METTL6: variants seen among roughly 807,000 people sequenced by gnomAD.
METTL6 encodes methyltransferase 6, tRNA N3-cytidine.
A neutral mutation model predicts 26.4 loss-of-function variants in METTL6; 22 were observed. The ratio of observed to expected loss-of-function variants is 0.83; its 90% CI spans 0.59 to 1.19. The LOEUF (loss-of-function observed/expected upper bound fraction) is 1.19. Among genes scored for constraint, METTL6 ranks in the 50% most tolerant of loss-of-function variants. The pLI, the probability that METTL6 is intolerant of heterozygous loss-of-function variation, is 0.00. For synonymous variants in METTL6, 109 were observed against 116.2 expected, an observed-to-expected ratio of 0.94 and a Z score of 0.40; for missense variants, 304 against 324.8, an observed-to-expected ratio of 0.94 and a Z score of 0.49.
chr3:15,406,605 TATATATATATATATATATATATATAGAG>T (rs1699796236), downstream of METTL6, among the ~76,000 whole-genome samples: 1 of 47,934 alleles, frequency 2.1e-5, no homozygotes, highest in East Asian at 9.4e-4. Flanking sequence ...TATATATATA[TATATATATATATATATATATATATAGAG>T]AGAGAGAGAG....
In METTL6 at chr3:15,415,791, A is replaced by G. The variant is rs1479782725; in HGVS notation, c.512T>C (p.Val171Ala). Residue 171 changes from valine (V) to alanine (A), a missense_variant, in exon 4 of 6, where the codon GTC becomes GCC. Transcript: ENST00000383790. Reference protein sequence around the residue: ...SAVHPDKMHLVLQNIYKVLKP... With the variant: ...SAVHPDKMHLALQNIYKVLKP... ...ACTAACCTTGTAAATGTTTTGTAAG[A>G]CAAGGTGCATCTTATCAGGATGAAC... 6.2e-7 allele frequency: 1 copy of G among 1,613,958 alleles called. No individual in the cohort carries two copies. Among genetic ancestry groups the G allele is most frequent in the African/African-American group, 1.3e-5 (1 of 75,044 alleles).
intron 6 of METTL6, among the ~76,000 whole-genome samples, chr3:15,403,046 A>T (rs1385443714): frequency 1.3e-5 from 2 of 152,246 alleles, no homozygotes; most frequent in African/African-American, 4.8e-5. Context: ...AGCAAGATAT[A>T]GTCTGTTAGG....
chr3:15,423,290 G>A (rs1481582130), intron 3 of METTL6, among the ~76,000 whole-genome samples: 1 of 152,214 alleles, frequency 6.6e-6, no homozygotes. Context: ...CTACTTGGAA[G>A]GCTGAGGCAG....
In METTL6 at chr3:15,400,656, C is replaced by A. The variant is rs77727309; in HGVS notation, c.*11+10589G>T. On this transcript the variant is annotated intron_variant, in intron 6 of 6. Coordinates refer to the METTL6 transcript ENST00000443029. ...TAAGAAGTTCATAAAGAAGTTCTAA[C>A]GATGCTAGACTACCTTTTTTTGGTA... Among the ~76,000 whole-genome samples the A allele has an allele frequency of 2.6e-5, 4 of 152,138 alleles. No homozygotes were observed. In the East Asian group the frequency reaches 7.7e-4, roughly 29 times the overall value.
intron 6 of METTL6, among the ~76,000 whole-genome samples, chr3:15,393,576 C>A (rs545103319): frequency 6.6e-6 from 1 of 152,206 alleles, no homozygotes; most frequent in African/African-American, 2.4e-5. Flanking sequence ...TCTTGTGCCA[C>A]TTTTCAAAGG....
chr3:15,394,663 C>T (rs1344581623), intron 6 of METTL6, among the ~76,000 whole-genome samples: 2 of 151,808 alleles, frequency 1.3e-5, no homozygotes, highest in Admixed American at 1.3e-4. Context: ...GTACACACTG[C>T]TTTGAATGTG....
Position 15,426,469 on chromosome 3 carries a change from T to C in METTL6, c.43A>G (p.Thr15Ala). ...QRKGLQARIL[T>A]SEEEEKLKRD... Reference sequence around the variant, plus strand: ...TTCAGTTTCTCCTCTTCTTCAGAGGTGAGAATCCTTGCCTGCAGCCCTTTC... The same window carrying C: ...TTCAGTTTCTCCTCTTCTTCAGAGGCGAGAATCCTTGCCTGCAGCCCTTTC... Residue 15 changes from threonine (T) to alanine (A), a missense_variant, in exon 2 of 6, where the codon ACC (threonine) becomes GCC (alanine). Physicochemically the swap from Thr to Ala is moderately conservative, Grantham distance 58 (BLOSUM62 0). Coordinates refer to ENST00000383790, the MANE Select transcript of METTL6 (RefSeq NM_152396.4). 6.2e-7 allele frequency: 1 copy of C among 1,614,182 alleles called. No individual in the cohort carries two copies. The highest frequency in any genetic ancestry group is 8.5e-7 in the Non-Finnish European group (1 of 1,180,040).
At chr3:15,396,835 A>G (rs924099203) in intron 6 of METTL6, among the ~76,000 whole-genome samples, 4 of 152,154 alleles carry the variant, frequency 2.6e-5, no homozygotes, top group Admixed American at 1.3e-4. Flanking sequence ...CTACTTGATC[A>G]TTCCTCTGGG....
At chr3:15,418,604 G>A (rs2061542932) in intron 3 of METTL6, among the ~76,000 whole-genome samples, 1 of 152,132 alleles carries the variant, frequency 6.6e-6, no homozygotes, top group Non-Finnish European at 1.5e-5. Flanking sequence ...AGGGAGAAGA[G>A]AGAACAAGAG....
chr3:15,423,935 A>T (rs2061663620), intron 3 of METTL6, among the ~76,000 whole-genome samples: 1 of 151,816 alleles, frequency 6.6e-6, no homozygotes, highest in Non-Finnish European at 1.5e-5. Context: ...AGCCAGGTAC[A>T]GTGGCTCATA....
At position 15,399,228 on chromosome 3, in the gene METTL6, A is replaced by T. The variant is rs9836774; in HGVS notation, c.*11+12017T>A. On this transcript the variant is annotated intron_variant, in intron 6 of 6. Coordinates refer to the METTL6 transcript ENST00000443029. ...CCCCCCCAACCCCTCGCCCCCAAAAAACTCATGAATAATCCACCCCTTGTT... is the reference window on the plus strand; with the variant it reads ...CCCCCCCAACCCCTCGCCCCCAAAATACTCATGAATAATCCACCCCTTGTT... Among the ~76,000 whole-genome samples, 224 of 151,702 alleles carry T rather than the reference A, an allele frequency of 1.5e-3. 1 individual carries two copies. Among genetic ancestry groups the T allele is most frequent in the African/African-American group, 5.2e-3 (214 of 41,346 alleles).
intron 5 of METTL6, among the ~76,000 whole-genome samples, chr3:15,412,229 A>G (rs748718698): frequency 1.6e-4 from 25 of 152,202 alleles, no homozygotes; most frequent in Non-Finnish European, 3.5e-4. Flanking sequence ...AGTGGAGAAA[A>G]ACACCCAGTG....
chr3:15,424,839 C>G (rs2061682805), intron 3 of METTL6, 116 bp downstream of exon 3: 2 of 1,343,532 alleles, frequency 1.5e-6, no homozygotes, highest in African/African-American at 1.5e-5. Context: ...TGTATGGTGA[C>G]TATAGCTGGT....
At chr3:15,400,299 C>A (rs1046315134) in intron 6 of METTL6, among the ~76,000 whole-genome samples, 1 of 152,126 alleles carries the variant, frequency 6.6e-6, no homozygotes, top group Admixed American at 6.6e-5. Context: ...GCCCCAGGTC[C>A]CCTATTCCTT....
At chr3:15,426,727 CAAAAA>C in intron 1 of METTL6, 92 bp from the exon 2 acceptor site, 1 of 557,838 alleles carries the variant, frequency 1.8e-6, no homozygotes, top group South Asian at 2.4e-5. Flanking sequence ...GCAGACTGTA[CAAAAA>C]AAAATCCTTC....
At chr3:15,402,521 G>A (rs190572379) in intron 6 of METTL6, among the ~76,000 whole-genome samples, 2 of 152,104 alleles carry the variant, frequency 1.3e-5, no homozygotes, top group Admixed American at 1.3e-4. Flanking sequence ...ATCACCTGAG[G>A]TCAGGAGTTT....
Position 15,426,326 on chromosome 3 carries a change from C to G in METTL6, c.186G>C (p.Trp62Cys). Residue 62 changes from tryptophan (W) to cysteine (C), a missense_variant, in exon 2 of 6, where the codon TGG becomes TGC. Trp to Cys is a radical substitution (Grantham distance 215). Transcript: ENST00000383790. ...TTAGCTCCTCAAACTCTCTGGTGGT[C>G]CAGTGTCTGTCTTTGAAGAAATTAG... ...NSTNFFKDRH[W>C]TTREFEELRS... The G allele has an allele frequency of 1.2e-6, 2 of 1,614,190 alleles. No homozygotes were observed. The highest frequency in any genetic ancestry group is 2.2e-5 in the South Asian group (2 of 91,078).
intron 3 of METTL6, among the ~76,000 whole-genome samples, chr3:15,418,271 T>C (rs2061533960): frequency 1.3e-5 from 2 of 152,158 alleles, no homozygotes; most frequent in Non-Finnish European, 2.9e-5. Flanking sequence ...AAAATAATTA[T>C]GATTAAAATG....
At chr3:15,417,639 T>C (rs1700270007) in intron 3 of METTL6, among the ~76,000 whole-genome samples, 1 of 151,992 alleles carries the variant, frequency 6.6e-6, no homozygotes, top group Non-Finnish European at 1.5e-5. Context: ...ATACTGTATA[T>C]ATAAACAGGA....
Sources: gnomAD v4.1 joint callset for allele counts (sites outside exome capture counted in the v4.1 genomes callset) on GRCh38, gnomAD v4.1.1 for gene constraint, MANE v1.5 for transcripts, NCBI Gene and HGNC (gene_info 2026-07-23, HGNC 2026-07-21) for gene names.